The following PPIB variants were observed in gnomAD, a reference collection of about 807,000 sequenced individuals.
PPIB encodes peptidyl-prolyl cis-trans isomerase B.
A neutral mutation model predicts 20.1 loss-of-function variants in PPIB; 15 were observed. That is an observed-to-expected ratio of 0.75 (90% CI 0.50 to 1.15). PPIB has a LOEUF of 1.15. Ranked by LOEUF, PPIB falls within the 50% of genes most tolerant of loss-of-function variation. PPIB has a pLI of 0.00. For synonymous variants in PPIB, 129 were observed against 111.0 expected, an observed-to-expected ratio of 1.16 and a Z score of -1.02; for missense variants, 278 against 283.0, an observed-to-expected ratio of 0.98 and a Z score of 0.13.
At position 64,159,100 on chromosome 15, in the gene PPIB, A is replaced by G. The variant is rs1440444326; in HGVS notation, c.343+1004T>C. Among the ~76,000 whole-genome samples the G allele has an allele frequency of 6.6e-6, 1 of 152,188 alleles. No individual in the cohort carries two copies. Among genetic ancestry groups the G allele is most frequent in the Non-Finnish European group, 1.5e-5 (1 of 68,030 alleles). On this transcript the variant is annotated intron_variant, in intron 3 of 4. Coordinates refer to ENST00000300026, the MANE Select transcript of PPIB (RefSeq NM_000942.5). The surrounding 1 kb of genome is among the most constrained non-coding windows in gnomAD (Gnocchi z 5.1). ...ATACAGTTCTTTGGTCTCCTTTGTG[A>G]GCCTGAGTCCTAAACGCTGCATCAT...
chr15:64,161,500 C>T lies in PPIB; in HGVS notation c.249+541G>A, dbSNP rs1220721959. Among the ~76,000 whole-genome samples the T allele has an allele frequency of 4.0e-5, 6 of 151,680 alleles. No homozygotes were observed. Among genetic ancestry groups the T allele is most frequent in the African/African-American group, 9.7e-5 (4 of 41,328 alleles). On this transcript the variant is annotated intron_variant, in intron 2 of 4. Transcript: ENST00000300026. This position sits in a 1 kb window ranked among gnomAD's most constrained non-coding sequence, Gnocchi z 4.2. ...CAGCACTTTGGGAGGCCAAGGCAGG[C>T]GGATCACCAGAGGTCAGGAGTTCGA... is the stretch of plus-strand genomic sequence containing the variant.
rs1347773510 is a variant in PPIB, at chr15:64,160,009, G to C, written c.343+95C>G. Reference sequence around the variant, plus strand: ...ATAAGTAGGCCTGCCTCTAGAGCTGGGGAAGAAAGAGGCCTGGTCTCCCCA... The same window carrying C: ...ATAAGTAGGCCTGCCTCTAGAGCTGCGGAAGAAAGAGGCCTGGTCTCCCCA... On this transcript the variant is annotated intron_variant, in intron 3 of 4. Transcript: ENST00000300026. The surrounding 1 kb of genome is among the most constrained non-coding windows in gnomAD (Gnocchi z 4.8). The C allele has an allele frequency of 1.9e-5, 21 of 1,089,222 alleles. No homozygotes were observed. The East Asian group carries it at 5.0e-4, about 26-fold the overall frequency. The allele number at this position is 1,089,222 out of a possible 1,614,324, so 67.5% of individuals were successfully genotyped here. A position where few individuals can be genotyped will look rare whatever the true frequency, so the allele number is the denominator to read the frequency against.
At chr15:64,162,431 A>G (rs1329040904) in intron 1 of PPIB, among the ~76,000 whole-genome samples, 2 of 152,228 alleles carry the variant, frequency 1.3e-5, no homozygotes, top group East Asian at 3.8e-4. Context: ...CTAAAAATTA[A>G]CATTAGAAAA....
At chr15:64,162,780 C>A (rs2081569912) in intron 1 of PPIB, 72 bp downstream of exon 1, 2 of 1,567,526 alleles carry the variant, frequency 1.3e-6, no homozygotes, top group Non-Finnish European at 1.7e-6. Context: ...GGAGGAGGGG[C>A]TGAGCCAAGG....
chr15:64,162,891 C>A lies in PPIB; in HGVS notation c.96G>T (p.Ala32=), dbSNP rs932303642. 6.2e-6 allele frequency: 10 copies of A among 1,612,724 alleles called. No individual in the cohort carries two copies. The highest frequency in any genetic ancestry group is 8.5e-6 in the Non-Finnish European group (10 of 1,179,646). ...TGGGCCCCTTCTTCTTCTCATCGGC[C>A]GCAGAAGGTCCCGGCAGCAGCAGGA... ...VFFLLLPGPS[A]ADEKKKGPKV... The change falls in exon 1 of 5, where the codon GCG becomes GCT. Residue 32 remains alanine (A), a synonymous_variant. Coordinates refer to ENST00000300026, the MANE Select transcript of PPIB (RefSeq NM_000942.5).
chr15:64,155,915 T>C lies in PPIB; in HGVS notation c.*108A>G, dbSNP rs1043016. 2.0e-6 allele frequency: 3 copies of C among 1,533,234 alleles called. No homozygotes were observed. The highest frequency in any genetic ancestry group is 2.7e-6 in the Non-Finnish European group (3 of 1,117,950). The allele number at this position is 1,533,234 out of a possible 1,614,324, so 95.0% of individuals were successfully genotyped here. On this transcript the variant is annotated 3_prime_UTR_variant, in exon 5 of 5. Coordinates refer to ENST00000300026, the MANE Select transcript of PPIB (RefSeq NM_000942.5). ...ATGGGCCTGTGGAATGTGAGGGGAG[T>C]GGGTCCGCTCCACCAGATGCCAGCA...
rs2081562285 is a variant in PPIB at position 64,161,301 on chromosome 15, T to C, written c.249+740A>G. Among the ~76,000 whole-genome samples the C allele has an allele frequency of 1.3e-5, 2 of 151,552 alleles. No individual in the cohort carries two copies. The highest frequency in any genetic ancestry group is 4.9e-5 in the African/African-American group (2 of 41,190). On this transcript the variant is annotated intron_variant, in intron 2 of 4. Coordinates refer to ENST00000300026, the MANE Select transcript of PPIB (RefSeq NM_000942.5). This position sits in a 1 kb window ranked among gnomAD's most constrained non-coding sequence, Gnocchi z 4.2. ...AATTTATTTTTTTTTTGAGACAGGG[T>C]CTCACTCTATTGCTCAGGCTGGAGT...
In PPIB at chr15:64,156,126, T is replaced by C. The variant is rs369952028; in HGVS notation, c.548A>G (p.Glu183Gly). The C allele has an allele frequency of 6.2e-7, 1 of 1,614,162 alleles. No homozygotes were observed. Among genetic ancestry groups the C allele is most frequent in the Non-Finnish European group, 8.5e-7 (1 of 1,180,026 alleles). Residue 183 changes from glutamate (E) to glycine (G), a missense_variant, in exon 5 of 5, where the codon GAG becomes GGG. Coordinates refer to ENST00000300026, the MANE Select transcript of PPIB (RefSeq NM_000942.5). This position sits in a 1 kb window ranked among gnomAD's most constrained non-coding sequence, Gnocchi z 6.4. ...LEGMEVVRKV[E>G]STKTDSRDKP... ...ATCCCGGCTGTCTGTCTTGGTGCTC[T>C]CCACCTTCCGCACCACCTCCTGGAA...
chr15:64,158,230 C>G lies in PPIB; in HGVS notation c.344-1321G>C, dbSNP rs1261977636. Among the ~76,000 whole-genome samples, 1 of 152,176 alleles carries G rather than the reference C, an allele frequency of 6.6e-6. No homozygotes were observed. Among genetic ancestry groups the G allele is most frequent in the Non-Finnish European group, 1.5e-5 (1 of 68,034 alleles). On this transcript the variant is annotated intron_variant, in intron 3 of 4. Coordinates refer to ENST00000300026, the MANE Select transcript of PPIB (RefSeq NM_000942.5). This position sits in a 1 kb window ranked among gnomAD's most constrained non-coding sequence, Gnocchi z 4.7. Reference sequence around the variant, plus strand: ...CCCACTCCCCATGTACTTACTCTTTCTTTCCATTCCCACCACCACCGCTGC... The same window carrying G: ...CCCACTCCCCATGTACTTACTCTTTGTTTCCATTCCCACCACCACCGCTGC...
chr15:64,160,505 G>T lies in PPIB; in HGVS notation c.250-308C>A, dbSNP rs2081559167. Among the ~76,000 whole-genome samples the T allele has an allele frequency of 6.6e-6, 1 of 152,310 alleles. No individual in the cohort carries two copies. Among genetic ancestry groups the T allele is most frequent in the East Asian group, 1.9e-4 (1 of 5,188 alleles). On this transcript the variant is annotated intron_variant, in intron 2 of 4. Transcript: ENST00000300026. The surrounding 1 kb of genome is among the most constrained non-coding windows in gnomAD (Gnocchi z 4.8). ...CAGATACAAGAAAACTGAGAAGAAA[G>T]GTCACCTGCTGGCTCAATGGAAAGT...
rs764376245 is a variant in PPIB at position 64,162,086 on chromosome 15, A to G, written c.204T>C (p.Thr68=). The G allele has an allele frequency of 1.9e-6, 3 of 1,614,066 alleles. No homozygotes were observed. In the African/African-American group the frequency reaches 4.0e-5, roughly 22 times the overall value. ...GRVIFGLFGK[T]VPKTVDNFVA... ...CAAAATTATCCACTGTTTTTGGAACAGTCTTTCCGAAGAGACCAAAGATCA... is the reference window on the plus strand; with the variant it reads ...CAAAATTATCCACTGTTTTTGGAACGGTCTTTCCGAAGAGACCAAAGATCA... The change falls in exon 2 of 5, where the codon ACT becomes ACC. Residue 68 remains threonine, a synonymous_variant. Coordinates refer to ENST00000300026, the MANE Select transcript of PPIB (RefSeq NM_000942.5).
chr15:64,157,708 T>C lies in PPIB; in HGVS notation c.344-799A>G, dbSNP rs1246597400. Among the ~76,000 whole-genome samples, 4 of 152,222 alleles carry C rather than the reference T, an allele frequency of 2.6e-5. No homozygotes were observed. The highest frequency in any genetic ancestry group is 9.6e-5 in the African/African-American group (4 of 41,452). On this transcript the variant is annotated intron_variant, in intron 3 of 4. Coordinates refer to ENST00000300026, the MANE Select transcript of PPIB (RefSeq NM_000942.5). The surrounding 1 kb of genome is among the most constrained non-coding windows in gnomAD (Gnocchi z 4.2). ...TGTTTTATCTAACACCTTTCAAACATATTTGCATGCAAAACTCTTTTTTCC... is the reference window on the plus strand; with the variant it reads ...TGTTTTATCTAACACCTTTCAAACACATTTGCATGCAAAACTCTTTTTTCC...
In PPIB at chr15:64,155,928, C is replaced by T; in HGVS notation, c.*95G>A. The T allele has an allele frequency of 1.3e-6, 2 of 1,594,430 alleles. No homozygotes were observed. Among genetic ancestry groups the T allele is most frequent in the Middle Eastern group, 3.6e-4 (2 of 5,496 alleles). ...ATGTGAGGGGAGTGGGTCCGCTCCA[C>T]CAGATGCCAGCACCGGGGCCAGTGC... is the stretch of plus-strand genomic sequence containing the variant. On this transcript the variant is annotated 3_prime_UTR_variant, in exon 5 of 5. Coordinates refer to ENST00000300026, the MANE Select transcript of PPIB (RefSeq NM_000942.5).
chr15:64,160,853 G>C lies in PPIB; in HGVS notation c.250-656C>G, dbSNP rs1014759809. On this transcript the variant is annotated intron_variant, in intron 2 of 4. Coordinates refer to ENST00000300026, the MANE Select transcript of PPIB (RefSeq NM_000942.5). This position sits in a 1 kb window ranked among gnomAD's most constrained non-coding sequence, Gnocchi z 4.8. ...TTAGTAGAGATGGGGTTTCACCATG[G>C]TGCCCAGGCTGCTCTCAAACTCCTA... Among the ~76,000 whole-genome samples, 1 of 151,998 alleles carries C rather than the reference G, an allele frequency of 6.6e-6. No individual in the cohort carries two copies. Among genetic ancestry groups the C allele is most frequent in the Non-Finnish European group, 1.5e-5 (1 of 68,006 alleles).
intron 1 of PPIB, 105 bp from the exon 2 acceptor site, chr15:64,162,259 AT>A: frequency 1.2e-6 from 1 of 834,450 alleles, no homozygotes; most frequent in Non-Finnish European, 2.1e-6. Context: ...ATAGAGCCAT[AT>A]TTTTAGAGAA....
rs1342797391 is a variant in PPIB, at chr15:64,161,450, G to C, written c.249+591C>G. Reference sequence around the variant, plus strand: ...ATTAAAAAAAATTTTTTTTGGCCGGGCATAGTGGCTCACACCTCTAATCCC... The same window carrying C: ...ATTAAAAAAAATTTTTTTTGGCCGGCCATAGTGGCTCACACCTCTAATCCC... On this transcript the variant is annotated intron_variant, in intron 2 of 4. Coordinates refer to ENST00000300026, the MANE Select transcript of PPIB (RefSeq NM_000942.5). This position sits in a 1 kb window ranked among gnomAD's most constrained non-coding sequence, Gnocchi z 4.2. Among the ~76,000 whole-genome samples the C allele has an allele frequency of 6.6e-6, 1 of 151,752 alleles. No individual in the cohort carries two copies. Among genetic ancestry groups the C allele is most frequent in the South Asian group, 2.1e-4 (1 of 4,824 alleles).
At position 64,159,821 on chromosome 15, in the gene PPIB, A is replaced by C; in HGVS notation, c.343+283T>G. On this transcript the variant is annotated intron_variant, in intron 3 of 4. Transcript: ENST00000300026. This position sits in a 1 kb window ranked among gnomAD's most constrained non-coding sequence, Gnocchi z 5.1. ...TCTCTCCCCAATCCCCATTCTGAAGAGGTATCAGGAAAGGTCACCAGGCTA... is the reference window on the plus strand; with the variant it reads ...TCTCTCCCCAATCCCCATTCTGAAGCGGTATCAGGAAAGGTCACCAGGCTA... The C allele has an allele frequency of 1.9e-6, 1 of 537,902 alleles. No individual in the cohort carries two copies. Among genetic ancestry groups the C allele is most frequent in the Non-Finnish European group, 3.4e-6 (1 of 297,750 alleles). 33.3% of individuals were successfully genotyped at this position (537,902 alleles called of 1,614,324 possible). A position where few individuals can be genotyped will look rare whatever the true frequency, so the allele number is the denominator to read the frequency against.
rs2081555414 is a variant in PPIB, at chr15:64,159,763, T to G, written c.343+341A>C. ...TTTGGGCATCTGACCTAGAATCGCG[T>G]ACCCACATGTCTTCACTTTGCTTCC... On this transcript the variant is annotated intron_variant, in intron 3 of 4. Coordinates refer to ENST00000300026, the MANE Select transcript of PPIB (RefSeq NM_000942.5). This position sits in a 1 kb window ranked among gnomAD's most constrained non-coding sequence, Gnocchi z 5.1. 2.5e-6 allele frequency: 1 copy of G among 403,942 alleles called. No homozygotes were observed. Among genetic ancestry groups the G allele is most frequent in the Non-Finnish European group, 4.7e-6 (1 of 214,218 alleles). 25.0% of individuals were successfully genotyped at this position (403,942 alleles called of 1,614,324 possible).
At position 64,156,498 on chromosome 15, in the gene PPIB, G is replaced by A; in HGVS notation, c.528+227C>T. On this transcript the variant is annotated intron_variant, in intron 4 of 4. Transcript: ENST00000300026. This position sits in a 1 kb window ranked among gnomAD's most constrained non-coding sequence, Gnocchi z 6.4. ...TCACTGAGTGAAGGAGGGGAGGGAG[G>A]CTCTGGCAGTTGTGCAGCCTTCCTG... 1 of 645,052 alleles carries A rather than the reference G, an allele frequency of 1.6e-6. No homozygotes were observed. Among genetic ancestry groups the A allele is most frequent in the Admixed American group, 2.5e-5 (1 of 39,368 alleles). The allele number at this position is 645,052 out of a possible 1,614,324, so 40.0% of individuals were successfully genotyped here.
Sources: gnomAD v4.1 joint callset for allele counts (sites outside exome capture counted in the v4.1 genomes callset) on GRCh38, gnomAD v4.1.1 for gene constraint, Gnocchi (gnomAD v3.1) non-coding constraint, MANE v1.5 for transcripts, NCBI Gene and HGNC (gene_info 2026-07-23, HGNC 2026-07-21) for gene names.